Variants in ASB5 observed in about 807,000 individuals in gnomAD.
ASB5 encodes the protein ankyrin repeat and SOCS box protein 5.
ASB5 carries 45 observed loss-of-function variants against 42.1 expected under a neutral mutation model. The observed-to-expected ratio is 1.07, with a 90% CI of 0.84 to 1.37. The LOEUF is 1.37. Among genes scored for constraint, ASB5 ranks in the 40% most tolerant of loss-of-function variants. The pLI is 0.00. For missense variants in ASB5, 402 were observed against 399.8 expected (o/e 1.01, Z -0.05); for synonymous variants, 147 against 150.6 (o/e 0.98, Z 0.18).
At chr4:176,263,202 C>A (rs1186320471) in intron 1 of ASB5, among the ~76,000 whole-genome samples, 1 of 152,148 alleles carries the variant, frequency 6.6e-6, no homozygotes, top group East Asian at 1.9e-4. Context: ...GCTGGCTCCC[C>A]TTCCCTTTAG....
intron 1 of ASB5, among the ~76,000 whole-genome samples, chr4:176,249,931 G>T (rs528514201): frequency 2.0e-5 from 3 of 151,810 alleles, no homozygotes; most frequent in East Asian, 3.9e-4. Context: ...CGGGCGTGGT[G>T]ACGGGCGCCT....
At position 176,222,344 on chromosome 4, in the gene ASB5, C is replaced by G; in HGVS notation, c.353G>C (p.Cys118Ser). ...HEACLGDHVA[C>S]ARTLLEAGAN... ...TCCTGCTTCCAGCAGAGTTCTGGCA[C>G]ATGCCACGTGATCTCCAAGGCAGGC... The change falls in exon 3 of 7, where the codon TGT becomes TCT. Residue 118 changes from cysteine to serine, a missense_variant. Transcript: ENST00000296525. 6.2e-7 allele frequency: 1 copy of G among 1,613,988 alleles called. No homozygotes were observed.
chr4:176,263,570 CCA>C (rs1754303210), intron 1 of ASB5, among the ~76,000 whole-genome samples: 1 of 152,004 alleles, frequency 6.6e-6, no homozygotes, highest in African/African-American at 2.4e-5. Context: ...TCTATCGATT[CCA>C]GTTATTCTTC....
At position 176,215,591 on chromosome 4, in the gene ASB5, T is replaced by G. The variant is rs778303844; in HGVS notation, c.*9A>C. ...TGATTTTCAAGGTATTTAGAATTAC[T>G]TTACTGTTTTATCGATACTGTAAGA... On this transcript the variant is annotated 3_prime_UTR_variant, in exon 7 of 7. Coordinates refer to ENST00000296525, the MANE Select transcript of ASB5 (RefSeq NM_080874.4). 6 of 1,607,804 alleles carry G rather than the reference T, an allele frequency of 3.7e-6. No individual in the cohort carries two copies. The South Asian group carries it at 6.7e-5, about 18-fold the overall frequency.
intron 2 of ASB5, among the ~76,000 whole-genome samples, chr4:176,222,836 G>C (rs537214971): frequency 1.6e-4 from 24 of 152,288 alleles, no homozygotes; most frequent in African/African-American, 5.8e-4. Flanking sequence ...GGAGTGCAGT[G>C]GCGCAATCTC....
chr4:176,246,149 G>A (rs1174855114), intron 1 of ASB5, among the ~76,000 whole-genome samples: 1 of 152,078 alleles, frequency 6.6e-6, no homozygotes, highest in African/African-American at 2.4e-5. Context: ...TTGCTGTGTT[G>A]CTGTTAAAAT....
rs553417016 is a variant in ASB5, at chr4:176,259,045, C to CTAT, written c.196+9867_196+9868insATA. On this transcript the variant is annotated intron_variant, in intron 1 of 6. Transcript: ENST00000296525. Reference sequence around the variant, plus strand: ...TGGTAAGTAGCCAGAAAACTTAGCCCCTATACTAGATTCTACTTGAGCATT... The same window carrying CTAT: ...TGGTAAGTAGCCAGAAAACTTAGCCCTATCTATACTAGATTCTACTTGAGCATT... Among the ~76,000 whole-genome samples the CTAT allele has an allele frequency of 2.9e-3, 446 of 151,968 alleles. 1 individual carries two copies. The highest frequency in any genetic ancestry group is 9.8e-3 in the African/African-American group (407 of 41,460).
chr4:176,248,126 T>C (rs1753947389), intron 1 of ASB5, among the ~76,000 whole-genome samples: 2 of 152,134 alleles, frequency 1.3e-5, no homozygotes, highest in African/African-American at 2.4e-5. Context: ...AATTTTTTAT[T>C]TTTTATCTTT....
chr4:176,256,368 A>G (rs1383518090), intron 1 of ASB5, among the ~76,000 whole-genome samples: 2 of 152,060 alleles, frequency 1.3e-5, no homozygotes, highest in African/African-American at 2.4e-5. Context: ...GTGTTTTATT[A>G]TTTTCTCATT....
chr4:176,261,345 C>T (rs1462243449), intron 1 of ASB5, among the ~76,000 whole-genome samples: 3 of 152,048 alleles, frequency 2.0e-5, no homozygotes, highest in Non-Finnish European at 2.9e-5. Flanking sequence ...TAATTATTTC[C>T]GTCATTAGCT....
intron 1 of ASB5, among the ~76,000 whole-genome samples, chr4:176,226,873 G>C (rs990933605): frequency 6.6e-6 from 1 of 152,238 alleles, no homozygotes; most frequent in African/African-American, 2.4e-5. Flanking sequence ...AAGTAGCTGA[G>C]CCCCGCGTCT....
At chr4:176,235,991 A>C (rs897506829) in intron 1 of ASB5, among the ~76,000 whole-genome samples, 2 of 152,096 alleles carry the variant, frequency 1.3e-5, no homozygotes, top group Non-Finnish European at 2.9e-5. Flanking sequence ...CTGGAATAAC[A>C]GGTATGTGCC....
At chr4:176,238,652 T>A (rs1002731416) in intron 1 of ASB5, among the ~76,000 whole-genome samples, 1 of 152,176 alleles carries the variant, frequency 6.6e-6, no homozygotes, top group Admixed American at 6.5e-5. Context: ...CTGTTATCTA[T>A]CTTTTTTTCA....
Position 176,214,609 on chromosome 4 carries a change from A to T in ASB5, c.*991T>A, listed in dbSNP as rs2126934259. 6.6e-6 allele frequency: 1 copy of T among 152,246 alleles called. No homozygotes were observed. Among genetic ancestry groups the T allele is most frequent in the East Asian group, 1.9e-4 (1 of 5,186 alleles). 9.4% of individuals were successfully genotyped at this position (152,246 alleles called of 1,614,324 possible). A position where few individuals can be genotyped will look rare whatever the true frequency, so the allele number is the denominator to read the frequency against. Reference sequence around the variant, plus strand: ...TAGAAACAGTGCGATTAAGTTCTCTATATACATTTTTTAAGGTCTCCAATG... The same window carrying T: ...TAGAAACAGTGCGATTAAGTTCTCTTTATACATTTTTTAAGGTCTCCAATG... On this transcript the variant is annotated 3_prime_UTR_variant, in exon 7 of 7. Coordinates refer to ENST00000296525, the MANE Select transcript of ASB5 (RefSeq NM_080874.4).
In ASB5 at chr4:176,214,418, TATTAA is replaced by T. The variant is rs1752912392; in HGVS notation, c.*1177_*1181del. 2.6e-5 allele frequency: 4 copies of T among 152,154 alleles called. No individual in the cohort carries two copies. The highest frequency in any genetic ancestry group is 2.6e-4 in the Admixed American group (4 of 15,256). The allele number at this position is 152,154 out of a possible 1,614,324, so 9.4% of individuals were successfully genotyped here. ...GAATTACAAAACAGGCATAAAATTT[TATTAA>T]GTTTTTTATTGCACTCAAGTATAGT... On this transcript the variant is annotated 3_prime_UTR_variant, in exon 7 of 7. Coordinates refer to ENST00000296525, the MANE Select transcript of ASB5 (RefSeq NM_080874.4).
chr4:176,241,843 C>T (rs1224017836), intron 1 of ASB5: 3 of 187,282 alleles, frequency 1.6e-5, no homozygotes, highest in African/African-American at 7.1e-5. Flanking sequence ...ATCTCCTCTC[C>T]TATAGGAGAG....
In ASB5 at chr4:176,221,158, C is replaced by A. The variant is rs148482187; in HGVS notation, c.667G>T (p.Ala223Ser). ...QFHCIWKLLY[A>S]GADVQKGKYW... Reference sequence around the variant, plus strand: ...AAGATGTTTTAAAGGAAAATACCAGCATAAAGAAGCTTCCAGATGCAATGG... The same window carrying A: ...AAGATGTTTTAAAGGAAAATACCAGAATAAAGAAGCTTCCAGATGCAATGG... The change falls in exon 5 of 7, where the codon GCT (alanine) becomes TCT (serine). Residue 223 changes from alanine (A) to serine (S), a missense_variant. By Grantham distance (99) the Ala-to-Ser change is moderately conservative. Transcript: ENST00000296525. The A allele has an allele frequency of 6.2e-7, 1 of 1,612,058 alleles. No individual in the cohort carries two copies. The highest frequency in any genetic ancestry group is 1.3e-5 in the African/African-American group (1 of 74,934).
intron 1 of ASB5, among the ~76,000 whole-genome samples, chr4:176,268,683 G>A (rs1280201961): frequency 6.6e-6 from 1 of 151,790 alleles, no homozygotes; most frequent in Non-Finnish European, 1.5e-5. Context: ...TATATATATA[G>A]TATGCCTTCC....
chr4:176,255,729 G>T (rs1754142360), intron 1 of ASB5, among the ~76,000 whole-genome samples: 1 of 152,160 alleles, frequency 6.6e-6, no homozygotes, highest in African/African-American at 2.4e-5. Flanking sequence ...AGAGATGTGG[G>T]TACGGGTTGA....
Sources: allele counts gnomAD v4.1 joint callset (sites outside exome capture counted in the v4.1 genomes callset), GRCh38; gene constraint gnomAD v4.1.1; transcripts MANE v1.5; gene names NCBI Gene and HGNC (gene_info 2026-07-23, HGNC 2026-07-21).